Variants in MAST4 observed in about 807,000 individuals in gnomAD.
MAST4 encodes microtubule associated serine/threonine kinase family member 4, also known as microtubule-associated serine/threonine-protein kinase 4.
In MAST4, 89 loss-of-function variants were observed where a neutral mutation model predicts 162.7. The observed-to-expected ratio is 0.55, with a 90% CI of 0.46 to 0.65. MAST4 has a LOEUF of 0.65. MAST4 is among the 30% of genes least tolerant of loss of function. The pLI, the probability that MAST4 is intolerant of heterozygous loss-of-function variation, is 0.00. For missense variants in MAST4, 3,153 were observed against 3,374.0 expected (o/e 0.93, Z 1.62); for synonymous variants, 1,479 against 1,361.1 (o/e 1.09, Z -1.91).
intron 10 of MAST4, among the ~76,000 whole-genome samples, chr5:67,107,275 A>G (rs1382992842): frequency 6.6e-6 from 1 of 152,228 alleles, no homozygotes; most frequent in African/African-American, 2.4e-5. Context: ...TGTGACAGAC[A>G]CTGCAGATTT....
In MAST4 at chr5:66,780,400, C is replaced by T. The variant is rs186901810; in HGVS notation, c.518-8270C>T. ...CTGCAGACCTTCGCAGTGAGTGTTA[C>T]AGTTTTTAAAGATGGTGTGTCCGGA... On this transcript the variant is annotated intron_variant, in intron 2 of 28. Transcript: ENST00000403625. 1.8e-4 allele frequency among the ~76,000 whole-genome samples: 28 copies of T among 152,322 alleles called. No homozygotes were observed. The East Asian group carries it at 4.2e-3, about 23-fold the overall frequency.
intron 4 of MAST4, among the ~76,000 whole-genome samples, chr5:66,994,912 T>C (rs1192117192): frequency 6.6e-6 from 1 of 152,216 alleles, no homozygotes; most frequent in African/African-American, 2.4e-5. Flanking sequence ...AGCTTTTTCA[T>C]TGTACAACAT....
chr5:66,706,139 C>T lies in MAST4; in HGVS notation c.364-53570C>T, dbSNP rs185753787. Among the ~76,000 whole-genome samples, 354 of 152,188 alleles carry T rather than the reference C, an allele frequency of 2.3e-3. 1 individual carries two copies. The highest frequency in any genetic ancestry group is 3.8e-3 in the Non-Finnish European group (261 of 68,006). ...TTAAGTCACAAAATCTAGCCCCGCCCCCCAGATGTTGCTAGTTAAGTTGAT... is the reference window on the plus strand; with the variant it reads ...TTAAGTCACAAAATCTAGCCCCGCCTCCCAGATGTTGCTAGTTAAGTTGAT... On this transcript the variant is annotated intron_variant, in intron 1 of 28. Transcript: ENST00000403625.
At chr5:66,598,820 G>A (rs142312500) in intron 1 of MAST4, among the ~76,000 whole-genome samples, 2 of 152,250 alleles carry the variant, frequency 1.3e-5, no homozygotes, top group Admixed American at 6.5e-5. Context: ...GGATGTTGTC[G>A]GGGAACTTCT....
chr5:67,088,444 A>C (rs1188274677), intron 5 of MAST4, among the ~76,000 whole-genome samples: 3 of 152,246 alleles, frequency 2.0e-5, no homozygotes, highest in Non-Finnish European at 4.4e-5. Flanking sequence ...AATGAAAAAC[A>C]AAATTTATAT....
At chr5:67,124,778 A>G (rs1768010964) in intron 14 of MAST4, among the ~76,000 whole-genome samples, 1 of 152,236 alleles carries the variant, frequency 6.6e-6, no homozygotes. Flanking sequence ...GGAAAGCAGA[A>G]AGTCAAACAA....
chr5:66,926,452 CAGG>C, intron 4 of MAST4, among the ~76,000 whole-genome samples: 1 of 152,142 alleles, frequency 6.6e-6, no homozygotes, highest in Admixed American at 6.5e-5. Context: ...GAGCCTGAGC[CAGG>C]AGAATTGCTT....
At chr5:67,134,746 A>T in intron 18 of MAST4, 58 bp downstream of exon 18, 1 of 1,427,858 alleles carries the variant, frequency 7.0e-7, no homozygotes, top group Non-Finnish European at 9.6e-7. Context: ...ATTTAATGTA[A>T]ATCTGTTGAG....
chr5:66,796,120 G>A (rs1446537475), intron 3 of MAST4, among the ~76,000 whole-genome samples: 1 of 152,124 alleles, frequency 6.6e-6, no homozygotes, highest in African/African-American at 2.4e-5. Flanking sequence ...AGAGTAGCTG[G>A]TTTAACATGA....
rs7731825 is a variant in MAST4, at chr5:66,794,801, C to T, written c.642+6007C>T. Among the ~76,000 whole-genome samples the T allele has an allele frequency of 5.8e-3, 875 of 152,156 alleles. 9 individuals are homozygous for T. The highest frequency in any genetic ancestry group is 0.057 in the South Asian group (274 of 4,818). On this transcript the variant is annotated intron_variant, in intron 3 of 28. Coordinates refer to ENST00000403625, the MANE Select transcript of MAST4 (RefSeq NM_001164664.2). Reference sequence around the variant, plus strand: ...AGTGGCTGTCTTTTGACATCGTATACGTTTCTTTCAATGGAGAAATTACAT... The same window carrying T: ...AGTGGCTGTCTTTTGACATCGTATATGTTTCTTTCAATGGAGAAATTACAT...
chr5:66,907,917 T>C lies in MAST4; in HGVS notation c.674+7935T>C, dbSNP rs1239897677. On this transcript the variant is annotated intron_variant, in intron 4 of 28. Coordinates refer to ENST00000403625, the MANE Select transcript of MAST4 (RefSeq NM_001164664.2). ...TTTTAAAATAAATTTAGTTTTCTTC[T>C]TAGCATTTTCTGTCCTCCCACCCCC... 2.0e-5 allele frequency among the ~76,000 whole-genome samples: 3 copies of C among 152,152 alleles called. No homozygotes were observed. The East Asian group carries it at 5.8e-4, about 29-fold the overall frequency.
rs114860301 is a variant in MAST4 at position 67,104,241 on chromosome 5, A to G, written c.1147-125A>G. The G allele has an allele frequency of 3.0e-3, 2,158 of 711,640 alleles. 23 individuals carry two copies. The African/African-American group carries it at 0.034, about 11-fold the overall frequency. The allele number at this position is 711,640 out of a possible 1,614,324, so 44.1% of individuals were successfully genotyped here. ...AGAAGTGAGGCTTCTTTTAAATTTG[A>G]TTTCTAGAATCCCATTTAACAACTT... is the stretch of plus-strand genomic sequence containing the variant. On this transcript the variant is annotated intron_variant, in intron 9 of 28. Coordinates refer to ENST00000403625, the MANE Select transcript of MAST4 (RefSeq NM_001164664.2).
chr5:67,146,227 A>C (rs559445762), intron 23 of MAST4, among the ~76,000 whole-genome samples: 65 of 152,320 alleles, frequency 4.3e-4, no homozygotes, highest in African/African-American at 1.5e-3. Context: ...TGTGTGATGT[A>C]ACCTTCCTGA....
At chr5:66,760,352 G>A (rs1181887667) in intron 2 of MAST4, among the ~76,000 whole-genome samples, 1 of 152,024 alleles carries the variant, frequency 6.6e-6, no homozygotes, top group Non-Finnish European at 1.5e-5. Context: ...TTGACCTCGT[G>A]ATCTGCCTGC....
chr5:66,840,054 C>T (rs2149785284), intron 3 of MAST4, among the ~76,000 whole-genome samples: 1 of 151,912 alleles, frequency 6.6e-6, no homozygotes, highest in South Asian at 2.1e-4. Flanking sequence ...GAGCTTTGGC[C>T]TAGTAGTTTA....
chr5:66,620,472 C>T (rs1001028620), intron 1 of MAST4, among the ~76,000 whole-genome samples: 4 of 151,796 alleles, frequency 2.6e-5, no homozygotes, highest in Admixed American at 6.6e-5. Flanking sequence ...TAATACTTGC[C>T]GTTAATAATG....
chr5:66,712,509 A>G (rs1035534072), intron 1 of MAST4, among the ~76,000 whole-genome samples: 1 of 152,252 alleles, frequency 6.6e-6, no homozygotes, highest in Non-Finnish European at 1.5e-5. Flanking sequence ...ATTTTATCAA[A>G]TGAATTACTG....
chr5:67,096,244 G>T (rs1561646672), intron 7 of MAST4, among the ~76,000 whole-genome samples: 1 of 152,142 alleles, frequency 6.6e-6, no homozygotes, highest in Non-Finnish European at 1.5e-5. Flanking sequence ...AGAGGAAAAT[G>T]GATACTCTTG....
chr5:66,748,379 C>CCCTTACTTCCTTCTTT (rs1193722191), intron 1 of MAST4, among the ~76,000 whole-genome samples: 2 of 149,248 alleles, frequency 1.3e-5, no homozygotes, highest in East Asian at 4.0e-4. Flanking sequence ...TTTATAGGAC[C>CCCTTACTTCCTTCTTT]CCTTCCTTCC....
Sources: gnomAD v4.1 joint callset for allele counts (sites outside exome capture counted in the v4.1 genomes callset) on GRCh38, gnomAD v4.1.1 for gene constraint, MANE v1.5 for transcripts, NCBI Gene and HGNC (gene_info 2026-07-23, HGNC 2026-07-21) for gene names.